The following CPA6 variants were observed in gnomAD, a reference collection of about 807,000 sequenced individuals.
The protein encoded by CPA6 is carboxypeptidase B.
In CPA6, 58 loss-of-function variants were observed where a neutral mutation model predicts 63.3. The observed-to-expected ratio is 0.92, with a 90% confidence interval of 0.74 to 1.14. The LOEUF (loss-of-function observed/expected upper bound fraction) is 1.14, where lower values mean the gene tolerates loss of function less well. Ranked by LOEUF, CPA6 falls within the 50% of genes most tolerant of loss-of-function variation. CPA6 has a pLI of 0.00. For synonymous variants in CPA6, 185 were observed against 179.0 expected, an observed-to-expected ratio of 1.03 and a Z score of -0.27; for missense variants, 565 against 526.6, an observed-to-expected ratio of 1.07 and a Z score of -0.71.
rs1016437933 is a variant in CPA6, at chr8:67,713,123, A to G, written c.116+32891T>C. Among the ~76,000 whole-genome samples the G allele has an allele frequency of 7.8e-3, 1,019 of 131,014 alleles. 42 individuals are homozygous for G. Among genetic ancestry groups the G allele is most frequent in the African/African-American group, 0.027 (932 of 34,718 alleles). 86.0% of individuals were successfully genotyped at this position (131,014 alleles called of 152,430 possible). A position where few individuals can be genotyped will look rare whatever the true frequency, so the allele number is the denominator to read the frequency against. ...TGTATATATATATATATATATATATATATATATATATATATATTAACAGGG... is the reference window on the plus strand; with the variant it reads ...TGTATATATATATATATATATATATGTATATATATATATATATTAACAGGG... On this transcript the variant is annotated intron_variant, in intron 1 of 10. Transcript: ENST00000297770.
At chr8:67,696,458 G>T (rs1816914180) in intron 1 of CPA6, among the ~76,000 whole-genome samples, 1 of 152,174 alleles carries the variant, frequency 6.6e-6, no homozygotes, top group Admixed American at 6.5e-5. Context: ...TCTTTGGACA[G>T]TTTGATGGCA....
intron 2 of CPA6, among the ~76,000 whole-genome samples, chr8:67,586,897 T>C (rs1487565498): frequency 1.3e-5 from 2 of 152,182 alleles, no homozygotes; most frequent in African/African-American, 2.4e-5. Flanking sequence ...TGATTCAGAT[T>C]ATAGAATTTT....
rs572380903 is a variant in CPA6, at chr8:67,662,210, C to T, written c.117-37959G>A. ...ATGTAAGAGTGTTATCTCCTGATGG[C>T]TTCTATTTCTTCTTGGAGGGAGAAG... On this transcript the variant is annotated intron_variant, in intron 1 of 10. Coordinates refer to ENST00000297770, the MANE Select transcript of CPA6 (RefSeq NM_020361.5). 1.6e-4 allele frequency among the ~76,000 whole-genome samples: 24 copies of T among 152,232 alleles called. 1 individual carries two copies. In the South Asian group the frequency reaches 4.6e-3, roughly 29 times the overall value.
At chr8:67,522,676 G>A (rs1278387877) in intron 2 of CPA6, among the ~76,000 whole-genome samples, 1 of 152,230 alleles carries the variant, frequency 6.6e-6, no homozygotes, top group Non-Finnish European at 1.5e-5. Context: ...CCCTGGGCGA[G>A]AGCTCTAACA....
intron 1 of CPA6, among the ~76,000 whole-genome samples, chr8:67,723,053 T>C (rs1817531700): frequency 6.6e-6 from 1 of 152,054 alleles, no homozygotes; most frequent in Non-Finnish European, 1.5e-5. Context: ...CAAACTCTAT[T>C]TTCATTTTAA....
chr8:67,451,865 GT>G (rs1221225195), intron 8 of CPA6, among the ~76,000 whole-genome samples: 1 of 152,136 alleles, frequency 6.6e-6, no homozygotes, highest in African/African-American at 2.4e-5. Context: ...GAAACGCTGA[GT>G]TTTTCCTAAG....
At chr8:67,516,973 T>C (rs1398324113) in intron 3 of CPA6, among the ~76,000 whole-genome samples, 1 of 152,040 alleles carries the variant, frequency 6.6e-6, no homozygotes, top group Non-Finnish European at 1.5e-5. Context: ...ATTTTTGTAT[T>C]TTTAGTAGAG....
intron 2 of CPA6, among the ~76,000 whole-genome samples, chr8:67,544,469 C>T (rs1401222949): frequency 6.6e-6 from 1 of 152,138 alleles, no homozygotes. Flanking sequence ...CCCTGGCAAT[C>T]GTTTTCCTGT....
chr8:67,568,698 A>T (rs1587574554), intron 2 of CPA6, among the ~76,000 whole-genome samples: 1 of 152,338 alleles, frequency 6.6e-6, no homozygotes, highest in African/African-American at 2.4e-5. Context: ...ACCTATGCAT[A>T]ATAGGCATTC....
chr8:67,506,894 A>G lies in CPA6; in HGVS notation c.535-6T>C, dbSNP rs751812296. On this transcript the variant is annotated splice_region_variant and splice_polypyrimidine_tract_variant and intron_variant, in intron 5 of 10. Transcript: ENST00000297770. ...AGTCGTGATCGTCTGCCCAGCTGAA[A>G]ACAAGAGCATTCACAGTAACCAACT... 7 of 1,606,304 alleles carry G rather than the reference A, an allele frequency of 4.4e-6. No individual in the cohort carries two copies. Among genetic ancestry groups the G allele is most frequent in the Non-Finnish European group, 6.0e-6 (7 of 1,173,120 alleles).
At chr8:67,635,812 T>C (rs1239130676) in intron 1 of CPA6, among the ~76,000 whole-genome samples, 3 of 151,646 alleles carry the variant, frequency 2.0e-5, no homozygotes, top group Non-Finnish European at 2.9e-5. Context: ...AGAGATGTTT[T>C]CTCTATTGGT....
chr8:67,740,705 G>A (rs1044225013), intron 1 of CPA6, among the ~76,000 whole-genome samples: 1 of 152,036 alleles, frequency 6.6e-6, no homozygotes, highest in Non-Finnish European at 1.5e-5. Flanking sequence ...GAGTAGCGGG[G>A]ACTACAGGTG....
intron 2 of CPA6, among the ~76,000 whole-genome samples, chr8:67,560,626 A>AG (rs1397843143): frequency 1.3e-5 from 2 of 152,124 alleles, no homozygotes; most frequent in African/African-American, 4.8e-5. Context: ...TGGCTGGAAA[A>AG]GGGGGGAAAG....
At chr8:67,590,384 T>C (rs1262923134) in intron 2 of CPA6, among the ~76,000 whole-genome samples, 2 of 151,586 alleles carry the variant, frequency 1.3e-5, no homozygotes, top group African/African-American at 4.9e-5. Flanking sequence ...GCATGATTTA[T>C]AGTCCTTTGG....
Position 67,607,243 on chromosome 8 carries a change from CTT to C in CPA6, c.192+16931_192+16932del, listed in dbSNP as rs1564021486. ...TCTTCTTCTTCTTCTTCTTCTTCTT[CTT>C]CTTCTTCTCCTCCTCCTCCTTTCTT... On this transcript the variant is annotated intron_variant, in intron 2 of 10. Transcript: ENST00000297770. Among the ~76,000 whole-genome samples, 51 of 115,638 alleles carry C rather than the reference CTT, an allele frequency of 4.4e-4. 5 individuals carry two copies. Among genetic ancestry groups the C allele is most frequent in the African/African-American group, 1.3e-3 (38 of 30,320 alleles). 75.9% of individuals were successfully genotyped at this position (115,638 alleles called of 152,430 possible). A position where few individuals can be genotyped will look rare whatever the true frequency, so the allele number is the denominator to read the frequency against.
At chr8:67,587,190 A>G (rs535249788) in intron 2 of CPA6, among the ~76,000 whole-genome samples, 19 of 152,316 alleles carry the variant, frequency 1.2e-4, no homozygotes, top group African/African-American at 4.3e-4. Context: ...TGAGGCTTGT[A>G]GAAGGGTAAA....
At chr8:67,691,966 T>C (rs555618949) in intron 1 of CPA6, among the ~76,000 whole-genome samples, 72 of 152,330 alleles carry the variant, frequency 4.7e-4, no homozygotes, top group African/African-American at 1.7e-3. Context: ...TTATGAGCCA[T>C]GCTGGAGTTG....
At chr8:67,699,294 T>C (rs182782831) in intron 1 of CPA6, among the ~76,000 whole-genome samples, 7 of 152,142 alleles carry the variant, frequency 4.6e-5, no homozygotes, top group Non-Finnish European at 8.8e-5. Flanking sequence ...CATGTACCTA[T>C]AGTCCCAGCT....
intron 8 of CPA6, among the ~76,000 whole-genome samples, chr8:67,478,109 C>T (rs149963267): frequency 6.6e-6 from 1 of 152,234 alleles, no homozygotes; most frequent in African/African-American, 2.4e-5. Flanking sequence ...CTTGGGAAGG[C>T]TTAAGGTTAA....
Sources: gnomAD v4.1 joint callset for allele counts (sites outside exome capture counted in the v4.1 genomes callset) on GRCh38, gnomAD v4.1.1 for gene constraint, MANE v1.5 for transcripts, NCBI Gene and HGNC (gene_info 2026-07-23, HGNC 2026-07-21) for gene names.